The following DISP3 variants were observed in gnomAD, a reference collection of about 807,000 sequenced individuals.
The protein encoded by DISP3 is dispatched RND transporter family member 3.
In DISP3, 101 loss-of-function variants were observed where a neutral mutation model predicts 135.3. That is an observed-to-expected ratio of 0.75 (90% CI 0.64 to 0.88). The LOEUF is 0.88. Ranked by LOEUF, DISP3 falls within the 40% of genes least tolerant of loss-of-function variation. The pLI is 0.00. For missense variants in DISP3, 1,713 were observed against 1,878.6 expected (o/e 0.91, Z 1.63); for synonymous variants, 856 against 817.0 (o/e 1.05, Z -0.81).
chr1:11,498,384 T>A (rs1364188218), intron 1 of DISP3, among the ~76,000 whole-genome samples: 1 of 152,042 alleles, frequency 6.6e-6, no homozygotes, highest in Non-Finnish European at 1.5e-5. Flanking sequence ...GGCTGTCAGG[T>A]TGGTTGTCAG....
intron 13 of DISP3, among the ~76,000 whole-genome samples, chr1:11,528,899 G>T (rs929977751): frequency 9.2e-5 from 14 of 152,230 alleles, no homozygotes; most frequent in South Asian, 2.1e-4. Context: ...CCAGGGAATG[G>T]CAGGACAGCC....
chr1:11,514,894 A>G (rs1641959510), intron 4 of DISP3, among the ~76,000 whole-genome samples: 1 of 152,104 alleles, frequency 6.6e-6, no homozygotes, highest in Admixed American at 6.5e-5. Flanking sequence ...CCCCCCGATC[A>G]CTTTTTCACC....
chr1:11,502,071 AC>A lies in DISP3; in HGVS notation c.1081del (p.Leu361TrpfsTer12), dbSNP rs765486632. On this transcript the variant is annotated frameshift_variant, in exon 2 of 21. Coordinates refer to ENST00000294484, the MANE Select transcript of DISP3 (RefSeq NM_020780.2). LOFTEE classifies it high-confidence loss of function. Reference sequence around the variant, plus strand: ...ATCTACTATGACGGCATGGGCCAGGACCTGGCGGACATCCGGGGTGAGCCGC... The same window carrying A: ...ATCTACTATGACGGCATGGGCCAGGACTGGCGGACATCCGGGGTGAGCCGC... ...GKIYYDGMGQ[D>X]LADIRGSLEL... The A allele has an allele frequency of 6.4e-7, 1 of 1,566,170 alleles. No individual in the cohort carries two copies. Among genetic ancestry groups the A allele is most frequent in the Non-Finnish European group, 8.7e-7 (1 of 1,155,026 alleles).
chr1:11,480,819 G>C (rs1437901700), intron 1 of DISP3, among the ~76,000 whole-genome samples: 2 of 151,874 alleles, frequency 1.3e-5, no homozygotes, highest in Non-Finnish European at 2.9e-5. Flanking sequence ...TGGAGGGAGG[G>C]AGGAGGCTGT....
At chr1:11,481,063 T>TCTCACA (rs111980045) in intron 1 of DISP3, among the ~76,000 whole-genome samples, 141 of 144,948 alleles carry the variant, frequency 9.7e-4, no homozygotes, top group African/African-American at 3.4e-3. Flanking sequence ...TCTCTCTCTC[T>TCTCACA]CACACACATA....
At chr1:11,485,515 G>A (rs370289891) in intron 1 of DISP3, among the ~76,000 whole-genome samples, 1 of 152,170 alleles carries the variant, frequency 6.6e-6, no homozygotes, top group Non-Finnish European at 1.5e-5. Context: ...CAGCTTCAAC[G>A]GGGGTCAGGG....
In DISP3 at chr1:11,517,459, C is replaced by T; in HGVS notation, c.1750-4C>T. 1 of 1,613,962 alleles carries T rather than the reference C, an allele frequency of 6.2e-7. No homozygotes were observed. Among genetic ancestry groups the T allele is most frequent in the Middle Eastern group, 1.7e-4 (1 of 6,060 alleles). On this transcript the variant is annotated splice_region_variant and splice_polypyrimidine_tract_variant and intron_variant, in intron 6 of 20. Transcript: ENST00000294484. Reference sequence around the variant, plus strand: ...CACATCCCTCTCTTCCTTTCCATCACCAGATCCCAGCCGTCCACGACTTTG... The same window carrying T: ...CACATCCCTCTCTTCCTTTCCATCATCAGATCCCAGCCGTCCACGACTTTG...
chr1:11,536,068 G>A lies in DISP3; in HGVS notation c.3817-256G>A, dbSNP rs568762667. 8.5e-5 allele frequency among the ~76,000 whole-genome samples: 13 copies of A among 152,268 alleles called. No homozygotes were observed. In the East Asian group the frequency reaches 2.1e-3, roughly 25 times the overall value. On this transcript the variant is annotated intron_variant, in intron 20 of 20. Transcript: ENST00000294484. This position sits in a 1 kb window ranked among gnomAD's most constrained non-coding sequence, Gnocchi z 4.3. ...CGATTTTTTTCTTTAGTTTGGAATT[G>A]CGTTGGTGTGAAAACATTCACAAAT... is the stretch of plus-strand genomic sequence containing the variant.
At chr1:11,535,154 T>C in intron 19 of DISP3, 30 bp downstream of exon 19, 1 of 1,558,374 alleles carries the variant, frequency 6.4e-7, no homozygotes, top group Non-Finnish European at 8.7e-7. Context: ...GCAGGCACCC[T>C]GCTGGTAGGG....
rs1489917548 is a variant in DISP3 at position 11,526,827 on chromosome 1, G to A, written c.2790G>A (p.Gln930=). The A allele has an allele frequency of 1.9e-6, 3 of 1,603,772 alleles. No homozygotes were observed. The highest frequency in any genetic ancestry group is 3.3e-5 in the Admixed American group (2 of 59,992). Residue 930 remains glutamine, a synonymous_variant, in exon 13 of 21, where the codon CAG becomes CAA. Coordinates refer to ENST00000294484, the MANE Select transcript of DISP3 (RefSeq NM_020780.2). ...TCTACGTGGCCACCAAGGAGCAGCA[G>A]CACACCCGGTAACAGAGCCTGGCAG... The part of the protein sequence containing the change: ...FSFYVATKEQ[Q]HTRKLYFAQS...
intron 1 of DISP3, among the ~76,000 whole-genome samples, chr1:11,479,629 G>T (rs560133466): frequency 2.6e-5 from 4 of 152,338 alleles, no homozygotes; most frequent in East Asian, 3.9e-4. Flanking sequence ...CGGGACTGCA[G>T]CATTCTTGGT....
chr1:11,506,017 G>A (rs1317069816), intron 3 of DISP3, among the ~76,000 whole-genome samples: 1 of 152,092 alleles, frequency 6.6e-6, no homozygotes, highest in African/African-American at 2.4e-5. Context: ...GCATATTTTT[G>A]CTGGTATAGA....
In DISP3 at chr1:11,519,514, G is replaced by A. The variant is rs775306653; in HGVS notation, c.2038+11G>A. On this transcript the variant is annotated intron_variant, in intron 8 of 20. Transcript: ENST00000294484. The surrounding 1 kb of genome is among the most constrained non-coding windows in gnomAD (Gnocchi z 4.3). ...TCGAGGAAGAGCCAGGTGAGAGCTG[G>A]CACAGGCCTGCCCTACTGACCCCAG... 64 of 1,612,930 alleles carry A rather than the reference G, an allele frequency of 4.0e-5. No individual in the cohort carries two copies. In the Admixed American group the frequency reaches 1.0e-3, roughly 25 times the overall value.
chr1:11,501,303 C>T lies in DISP3; in HGVS notation c.311C>T (p.Ser104Phe). 6.2e-7 allele frequency: 1 copy of T among 1,614,118 alleles called. No individual in the cohort carries two copies. The highest frequency in any genetic ancestry group is 1.3e-5 in the African/African-American group (1 of 75,058). ...LYYPPLDIDI[S>F]YNAFEIRNHE... ...TACCCACCGCTGGACATTGACATCT[C>T]CTACAACGCCTTTGAGATCCGCAAC... Residue 104 changes from serine to phenylalanine, a missense_variant, in exon 2 of 21, where the codon TCC becomes TTC. Physicochemically the swap from Ser to Phe is radical, Grantham distance 155. Transcript: ENST00000294484. The surrounding 1 kb of genome is among the most constrained non-coding windows in gnomAD (Gnocchi z 4.9).
At chr1:11,507,918 A>AT (rs1278755996) in intron 3 of DISP3, among the ~76,000 whole-genome samples, 3 of 152,208 alleles carry the variant, frequency 2.0e-5, no homozygotes, top group Non-Finnish European at 4.4e-5. Flanking sequence ...TAAATGATTG[A>AT]TTTTCTACTC....
intron 3 of DISP3, among the ~76,000 whole-genome samples, chr1:11,511,527 C>T (rs563809159): frequency 3.3e-5 from 5 of 152,324 alleles, no homozygotes; most frequent in African/African-American, 1.2e-4. Context: ...CCAGGTCACA[C>T]GGATGCAAGA....
intron 5 of DISP3, 81 bp from the exon 6 acceptor site, chr1:11,515,920 C>A: frequency 6.6e-7 from 1 of 1,521,516 alleles, no homozygotes; most frequent in Non-Finnish European, 8.9e-7. Flanking sequence ...AGGCCACTCA[C>A]ACTTGGTCTA....
chr1:11,535,378 C>G, intron 19 of DISP3, 100 bp from the exon 20 acceptor site: 1 of 1,468,284 alleles, frequency 6.8e-7, no homozygotes, highest in African/African-American at 1.4e-5. Context: ...CCTTGTTTCT[C>G]CTGTCACCTG....
intron 3 of DISP3, among the ~76,000 whole-genome samples, chr1:11,504,687 C>T (rs72863299): frequency 0.016 from 2,434 of 152,290 alleles, 34 homozygotes; most frequent in African/African-American, 0.042. Flanking sequence ...CGAGGTTCCT[C>T]CTCTTTTTTG....
Sources: gnomAD v4.1 joint callset for allele counts (sites outside exome capture counted in the v4.1 genomes callset) on GRCh38, gnomAD v4.1.1 for gene constraint, Gnocchi (gnomAD v3.1) non-coding constraint, MANE v1.5 for transcripts, NCBI Gene and HGNC (gene_info 2026-07-23, HGNC 2026-07-21) for gene names.